The following SPMIP2 variants were observed in gnomAD, a reference collection of about 807,000 sequenced individuals.
SPMIP2 encodes protein SPMIP2.
chr4:158,977,629 CTT>C, the SPMIP2 span, among the ~76,000 whole-genome samples: 2 of 63,350 alleles, frequency 3.2e-5, no homozygotes, highest in Non-Finnish European at 6.1e-5. Flanking sequence ...TTTTTTTTCT[CTT>C]TGAGACGGAG....
chr4:159,004,448 G>A, the SPMIP2 span, among the ~76,000 whole-genome samples: 13 of 151,930 alleles, frequency 8.6e-5, no homozygotes, highest in Middle Eastern at 6.8e-3. Context: ...ATGACACCAC[G>A]CCCTACTAAT....
chr4:158,907,385 T>C, the SPMIP2 span: 1 of 152,202 alleles, frequency 6.6e-6, no homozygotes, highest in African/African-American at 2.4e-5. Context: ...CGTTTACACA[T>C]TGCAACTTTT....
the SPMIP2 span, among the ~76,000 whole-genome samples, chr4:158,980,149 C>A: frequency 6.6e-6 from 1 of 152,064 alleles, no homozygotes. Context: ...CAGACTGCCT[C>A]TCTAGATTCC....
chr4:158,968,738 T>C, the SPMIP2 span, among the ~76,000 whole-genome samples: 1 of 152,336 alleles, frequency 6.6e-6, no homozygotes, highest in East Asian at 1.9e-4. Context: ...CAATTGTAGC[T>C]CTTTTTGTGT....
the SPMIP2 span, chr4:158,893,653 G>A: frequency 4.6e-6 from 7 of 1,529,604 alleles, no homozygotes; most frequent in Middle Eastern, 1.7e-4. Context: ...TTATACAGTA[G>A]TAGGCAGTTT....
chr4:159,046,649 C>T, the SPMIP2 span, among the ~76,000 whole-genome samples: 2 of 152,086 alleles, frequency 1.3e-5, no homozygotes, highest in African/African-American at 4.8e-5. Flanking sequence ...CTTGGCTCAC[C>T]GCAACCTCCA....
chr4:158,970,173 G>A, the SPMIP2 span, among the ~76,000 whole-genome samples: 2 of 152,162 alleles, frequency 1.3e-5, no homozygotes, highest in African/African-American at 4.8e-5. Flanking sequence ...CACGCACCAA[G>A]TCTGATTTTT....
chr4:159,056,338 G>A, the SPMIP2 span, among the ~76,000 whole-genome samples: 7 of 152,110 alleles, frequency 4.6e-5, no homozygotes, highest in Middle Eastern at 3.4e-3. Context: ...TGTTTGGAGG[G>A]TAGGGGAAGT....
the SPMIP2 span, among the ~76,000 whole-genome samples, chr4:158,977,224 T>C: frequency 1.3e-5 from 2 of 152,178 alleles, no homozygotes; most frequent in Non-Finnish European, 2.9e-5. Flanking sequence ...ATCTGTCTGG[T>C]CCTGGACTTT....
At chr4:158,939,079 C>A in the SPMIP2 span, among the ~76,000 whole-genome samples, 1 of 152,150 alleles carries the variant, frequency 6.6e-6, no homozygotes, top group Non-Finnish European at 1.5e-5. Flanking sequence ...GCATCACTTG[C>A]TAATTTATAC....
the SPMIP2 span, among the ~76,000 whole-genome samples, chr4:158,918,580 C>A: frequency 6.6e-6 from 1 of 150,440 alleles, no homozygotes; most frequent in Non-Finnish European, 1.5e-5. Context: ...CGTCTTTAGT[C>A]TTCACTTAAG....
At chr4:158,963,739 GATT>G in the SPMIP2 span, among the ~76,000 whole-genome samples, 35,537 of 151,996 alleles carry the variant, frequency 0.23, 4,459 homozygotes, top group Non-Finnish European at 0.29. Context: ...AAGAAAGGGA[GATT>G]ATTCTCAGTG....
the SPMIP2 span, among the ~76,000 whole-genome samples, chr4:159,075,789 C>T: frequency 6.9e-6 from 1 of 145,256 alleles, no homozygotes; most frequent in African/African-American, 2.5e-5. Flanking sequence ...TTTGACTCAT[C>T]TTTTTTTTTT....
chr4:158,899,966 T>C, the SPMIP2 span, among the ~76,000 whole-genome samples: 1 of 152,250 alleles, frequency 6.6e-6, no homozygotes, highest in Non-Finnish European at 1.5e-5. Context: ...TCTTTCCTGC[T>C]TTCTCTTGTG....
At chr4:158,949,146 A>G in the SPMIP2 span, among the ~76,000 whole-genome samples, 1 of 152,108 alleles carries the variant, frequency 6.6e-6, no homozygotes, top group African/African-American at 2.4e-5. Flanking sequence ...GATCATTTTT[A>G]GCTAATATGA....
the SPMIP2 span, among the ~76,000 whole-genome samples, chr4:158,959,386 T>C: frequency 6.6e-6 from 1 of 152,360 alleles, no homozygotes. Flanking sequence ...ATCTGTTTCT[T>C]TGTGGCTTTA....
the SPMIP2 span, among the ~76,000 whole-genome samples, chr4:159,032,800 A>G: frequency 6.9e-6 from 1 of 144,426 alleles, no homozygotes; most frequent in Admixed American, 6.9e-5. Context: ...TTTTTTTGGT[A>G]AAAAAGTCAA....
the SPMIP2 span, among the ~76,000 whole-genome samples, chr4:158,955,840 A>T: frequency 2.6e-5 from 4 of 152,258 alleles, no homozygotes. Context: ...AATGTAAAAA[A>T]TATGCCTTCG....
chr4:159,019,125 G>A, the SPMIP2 span, among the ~76,000 whole-genome samples: 1 of 152,062 alleles, frequency 6.6e-6, no homozygotes, highest in Non-Finnish European at 1.5e-5. Context: ...GCCAAAAAGA[G>A]TGTTCTAGAA....
Sources: allele counts gnomAD v4.1 joint callset (sites outside exome capture counted in the v4.1 genomes callset), GRCh38; gene constraint gnomAD v4.1.1; transcripts MANE v1.5; gene names NCBI Gene and HGNC (gene_info 2026-07-23, HGNC 2026-07-21).